Variants in SLC25A13 observed in about 807,000 individuals in gnomAD.
SLC25A13 encodes electrogenic aspartate/glutamate antiporter SLC25A13, mitochondrial.
In SLC25A13, 70 loss-of-function variants were observed where a neutral mutation model predicts 85.5. The observed-to-expected ratio is 0.82, with a 90% CI of 0.68 to 1.00. The LOEUF (loss-of-function observed/expected upper bound fraction) is 1.00. Ranked by LOEUF, SLC25A13 falls within the 50% of genes least tolerant of loss-of-function variation. SLC25A13 has a pLI of 0.00. For missense variants in SLC25A13, 765 were observed against 819.8 expected (o/e 0.93, Z 0.82); for synonymous variants, 259 against 288.7 (o/e 0.90, Z 1.04).
chr7:96,172,272 A>G (rs1230607574), intron 11 of SLC25A13, among the ~76,000 whole-genome samples: 1 of 152,144 alleles, frequency 6.6e-6, no homozygotes, highest in African/African-American at 2.4e-5. Context: ...AGAAAGATCA[A>G]TGAGGCCAGG....
intron 2 of SLC25A13, among the ~76,000 whole-genome samples, chr7:96,294,574 A>C (rs1210372030): frequency 6.7e-6 from 1 of 149,942 alleles, no homozygotes. Context: ...CGCAACCTGC[A>C]CTCCAGCCTG....
At chr7:96,272,592 G>A (rs749473713) in intron 3 of SLC25A13, among the ~76,000 whole-genome samples, 3 of 152,146 alleles carry the variant, frequency 2.0e-5, no homozygotes, top group Admixed American at 1.3e-4. Context: ...CAACTAATTT[G>A]CCAAAAGCAA....
chr7:96,258,343 TTAAGC>T (rs1797719588), intron 3 of SLC25A13, among the ~76,000 whole-genome samples: 1 of 152,194 alleles, frequency 6.6e-6, no homozygotes, highest in Non-Finnish European at 1.5e-5. Context: ...CAAAACCTCC[TTAAGC>T]TGATAAGCAA....
intron 4 of SLC25A13, among the ~76,000 whole-genome samples, chr7:96,228,220 T>C (rs1161338653): frequency 6.6e-6 from 1 of 152,176 alleles, no homozygotes; most frequent in South Asian, 2.1e-4. Context: ...TGCTGATAAT[T>C]TGTACTACAT....
intron 11 of SLC25A13, among the ~76,000 whole-genome samples, chr7:96,172,149 C>T (rs1794029551): frequency 6.6e-6 from 1 of 152,216 alleles, no homozygotes; most frequent in Non-Finnish European, 1.5e-5. Flanking sequence ...CCCACACTCT[C>T]TTCCTAAAGG....
At chr7:96,242,046 CAATGTACCAT>C (rs748777106) in intron 3 of SLC25A13, among the ~76,000 whole-genome samples, 3 of 152,196 alleles carry the variant, frequency 2.0e-5, no homozygotes, top group Non-Finnish European at 4.4e-5. Context: ...TGGTTGTAGA[CAATGTACCAT>C]CAAAATCCAA....
intron 15 of SLC25A13, 56 bp downstream of exon 15, chr7:96,131,687 G>C (rs80231631): frequency 6.2e-7 from 1 of 1,611,198 alleles, no homozygotes; most frequent in Non-Finnish European, 8.5e-7. Context: ...CATGCAGCTA[G>C]GGAAGGGGGG....
chr7:96,229,001 G>A (rs979668350), intron 4 of SLC25A13, among the ~76,000 whole-genome samples: 3 of 152,162 alleles, frequency 2.0e-5, no homozygotes, highest in Non-Finnish European at 4.4e-5. Context: ...CCAACCCCGT[G>A]GGCTCCCATG....
intron 14 of SLC25A13, among the ~76,000 whole-genome samples, chr7:96,138,952 T>C (rs138232630): frequency 3.3e-5 from 5 of 152,164 alleles, no homozygotes; most frequent in African/African-American, 7.2e-5. Flanking sequence ...CCTGGAGAGG[T>C]TGTTGACCAC....
At chr7:96,238,638 T>C (rs1192713383) in intron 3 of SLC25A13, among the ~76,000 whole-genome samples, 2 of 152,094 alleles carry the variant, frequency 1.3e-5, no homozygotes, top group Non-Finnish European at 2.9e-5. Context: ...CGCCACACTA[T>C]AGACTTCTGA....
chr7:96,282,126 G>A (rs1798704818), intron 2 of SLC25A13, among the ~76,000 whole-genome samples: 1 of 152,092 alleles, frequency 6.6e-6, no homozygotes, highest in Admixed American at 6.6e-5. Flanking sequence ...GTTTTATTAT[G>A]ATTAAACATA....
intron 13 of SLC25A13, among the ~76,000 whole-genome samples, chr7:96,165,204 T>C (rs544017388): frequency 6.6e-6 from 1 of 152,252 alleles, no homozygotes; most frequent in East Asian, 1.9e-4. Context: ...AAGTAAGTTA[T>C]ACAGAATGTT....
intron 2 of SLC25A13, among the ~76,000 whole-genome samples, chr7:96,280,996 GTAT>G (rs1798655851): frequency 6.6e-6 from 1 of 152,128 alleles, no homozygotes; most frequent in Non-Finnish European, 1.5e-5. Flanking sequence ...ATTATTTGTA[GTAT>G]CCAAAAAACT....
chr7:96,299,265 C>G lies in SLC25A13; in HGVS notation c.16-2314G>C, dbSNP rs141557552. Among the ~76,000 whole-genome samples the G allele has an allele frequency of 6.8e-3, 1,033 of 152,252 alleles. 7 individuals carry two copies. The highest frequency in any genetic ancestry group is 0.014 in the Middle Eastern group (4 of 294). On this transcript the variant is annotated intron_variant, in intron 1 of 17. Transcript: ENST00000265631. ...TCAGTGCTCCCCATCAGAACTACACCTCAAAGGGGGAAAAAAAGTGTTCAC... is the reference window on the plus strand; with the variant it reads ...TCAGTGCTCCCCATCAGAACTACACGTCAAAGGGGGAAAAAAAGTGTTCAC...
rs535601816 is a variant in SLC25A13 at position 96,277,106 on chromosome 7, G to A, written c.212+90C>T. The A allele has an allele frequency of 7.8e-6, 10 of 1,284,830 alleles. 1 individual carries two copies. The highest frequency in any genetic ancestry group is 6.0e-5 in the African/African-American group (4 of 66,452). The allele number at this position is 1,284,830 out of a possible 1,614,324, so 79.6% of individuals were successfully genotyped here. ...GAAAATGGTCCTAAGAGATGGGAAG[G>A]TATACATTTAATGACTTCCTGGTCA... is the stretch of plus-strand genomic sequence containing the variant. On this transcript the variant is annotated intron_variant, in intron 3 of 17. Transcript: ENST00000265631.
intron 5 of SLC25A13, among the ~76,000 whole-genome samples, chr7:96,208,615 C>G (rs1795553850): frequency 6.6e-6 from 1 of 151,846 alleles, no homozygotes. Context: ...ACACCATTCT[C>G]CTGCCTCAGC....
At chr7:96,228,341 G>A (rs1222527713) in intron 4 of SLC25A13, among the ~76,000 whole-genome samples, 5 of 152,244 alleles carry the variant, frequency 3.3e-5, no homozygotes, top group South Asian at 2.1e-4. Context: ...CAGAAAATAC[G>A]CACATGACTG....
intron 3 of SLC25A13, among the ~76,000 whole-genome samples, chr7:96,242,162 A>G (rs962621735): frequency 5.9e-5 from 9 of 152,192 alleles, no homozygotes; most frequent in African/African-American, 2.2e-4. Flanking sequence ...AAGCCAAGCA[A>G]TTGTCCAGGG....
intron 3 of SLC25A13, among the ~76,000 whole-genome samples, chr7:96,270,070 C>T (rs1798179064): frequency 6.6e-6 from 1 of 152,154 alleles, no homozygotes; most frequent in South Asian, 2.1e-4. Context: ...ATTGACTATA[C>T]TTAATAATCA....
Sources: gnomAD v4.1 joint callset for allele counts (sites outside exome capture counted in the v4.1 genomes callset) on GRCh38, gnomAD v4.1.1 for gene constraint, MANE v1.5 for transcripts, NCBI Gene and HGNC (gene_info 2026-07-23, HGNC 2026-07-21) for gene names.